EIF4E3: variants seen among roughly 807,000 people sequenced by gnomAD.
EIF4E3 encodes eukaryotic translation initiation factor 4E type 3.
In EIF4E3, 26 loss-of-function variants were observed where a neutral mutation model predicts 31.7. The observed-to-expected ratio is 0.82, with a 90% confidence interval of 0.60 to 1.14. The LOEUF is 1.14. Ranked by LOEUF, EIF4E3 falls within the 50% of genes most tolerant of loss-of-function variation. The probability of loss-of-function intolerance (pLI) is 0.00; values close to 1 mark genes in which losing one functional copy is unlikely to be tolerated. For synonymous variants in EIF4E3, 128 were observed against 107.7 expected, an observed-to-expected ratio of 1.19 and a Z score of -1.17; for missense variants, 304 against 270.9, an observed-to-expected ratio of 1.12 and a Z score of -0.86.
chr3:71,704,967 T>A (rs1402293660), intron 2 of EIF4E3, among the ~76,000 whole-genome samples: 1 of 152,234 alleles, frequency 6.6e-6, no homozygotes, highest in Non-Finnish European at 1.5e-5. Flanking sequence ...ATGCATATAA[T>A]GAATAAACTA....
intron 1 of EIF4E3, among the ~76,000 whole-genome samples, chr3:71,739,932 A>T (rs1222388320): frequency 6.6e-6 from 1 of 152,184 alleles, no homozygotes; most frequent in Non-Finnish European, 1.5e-5. Context: ...CTATGACAAT[A>T]ACAGCACAGA....
At chr3:71,699,800 T>C (rs2049189798) in intron 2 of EIF4E3, 92 bp from the exon 3 acceptor site, 5 of 995,694 alleles carry the variant, frequency 5.0e-6, no homozygotes, top group Non-Finnish European at 7.5e-6. Flanking sequence ...AAGAAAAATT[T>C]TGATTCTCAT....
intron 3 of EIF4E3, 113 bp downstream of exon 3, chr3:71,699,501 C>T (rs1363747400): frequency 4.5e-5 from 44 of 971,636 alleles, no homozygotes; most frequent in Non-Finnish European, 6.9e-5. Context: ...ATTGGTATCA[C>T]AGACTTTCTA....
chr3:71,703,683 T>A (rs1447903), intron 2 of EIF4E3, among the ~76,000 whole-genome samples: 3,425 of 152,158 alleles, frequency 0.023, 67 homozygotes, highest in Middle Eastern at 0.044. Flanking sequence ...CCTACTGAAA[T>A]GTTCTGAAGA....
chr3:71,748,632 G>T (rs1480308612), intron 1 of EIF4E3, among the ~76,000 whole-genome samples: 1 of 152,094 alleles, frequency 6.6e-6, no homozygotes, highest in African/African-American at 2.4e-5. Context: ...GCAGCCAAGA[G>T]TCACCAAACC....
intron 1 of EIF4E3, among the ~76,000 whole-genome samples, chr3:71,751,314 A>C (rs1220524430): frequency 6.6e-6 from 1 of 152,224 alleles, no homozygotes; most frequent in African/African-American, 2.4e-5. Context: ...AAGCGTGAAC[A>C]AATTAACCCT....
upstream of EIF4E3, chr3:71,754,271 C>T (rs762692004): frequency 1.1e-5 from 13 of 1,209,248 alleles, no homozygotes; most frequent in South Asian, 2.7e-4. The surrounding 1 kb of genome is among the most constrained non-coding windows in gnomAD (Gnocchi z 5.8). Flanking sequence ...GCCTCCCGGC[C>T]GTCATGCTGG....
intron 4 of EIF4E3, among the ~76,000 whole-genome samples, chr3:71,695,232 C>T (rs542523189): frequency 6.6e-6 from 1 of 152,278 alleles, no homozygotes; most frequent in South Asian, 2.1e-4. Context: ...CACCCTTCTG[C>T]TTTGAATTCA....
upstream of EIF4E3, chr3:71,725,436 G>A: frequency 1.2e-6 from 1 of 869,464 alleles, no homozygotes; most frequent in Non-Finnish European, 1.4e-6. The surrounding 1 kb of genome is among the most constrained non-coding windows in gnomAD (Gnocchi z 6.1). Context: ...AGTCACCCCC[G>A]GCCCCCGCCC....
the EIF4E3 span, among the ~76,000 whole-genome samples, chr3:71,668,939 T>C: frequency 2.0e-5 from 3 of 152,188 alleles, no homozygotes; most frequent in Non-Finnish European, 4.4e-5. Flanking sequence ...TAAAGACACA[T>C]GCACACATAT....
intron 6 of EIF4E3, among the ~76,000 whole-genome samples, chr3:71,687,089 C>T (rs1316268651): frequency 6.6e-6 from 1 of 152,180 alleles, no homozygotes; most frequent in Non-Finnish European, 1.5e-5. Flanking sequence ...CAACCTTCAC[C>T]TCCTGGGTTC....
rs1480553597 is a variant in EIF4E3 at position 71,725,296 on chromosome 3, A to G, written c.72T>C (p.Ala24=). The G allele has an allele frequency of 2.0e-6, 2 of 999,090 alleles. No individual in the cohort carries two copies. The highest frequency in any genetic ancestry group is 1.0e-4 in the East Asian group (1 of 9,870). The allele number at this position is 999,090 out of a possible 1,614,324, so 61.9% of individuals were successfully genotyped here. ...CGAGCGGCGGCTCGGGGGCGGCGGC[A>G]GCGGCGGCGGCGCGGGACCCCGGCG... ...REPPGSRAAA[A]AAAPEPPLGL... Residue 24 remains alanine, a synonymous_variant, in exon 1 of 7, where the codon GCT becomes GCC. Coordinates refer to ENST00000425534, the MANE Select transcript of EIF4E3 (RefSeq NM_001134651.2). This position sits in a 1 kb window ranked among gnomAD's most constrained non-coding sequence, Gnocchi z 6.1.
chr3:71,738,978 G>GTATATATATATAAATATA (rs2049792340), intron 1 of EIF4E3, among the ~76,000 whole-genome samples: 1 of 95,818 alleles, frequency 1.0e-5, no homozygotes, highest in Non-Finnish European at 2.0e-5. Flanking sequence ...AAATTGAACA[G>GTATATATATATAAATATA]TATATATATA....
intron 1 of EIF4E3, among the ~76,000 whole-genome samples, chr3:71,738,743 G>C (rs957714900): frequency 6.6e-6 from 1 of 151,854 alleles, no homozygotes; most frequent in Non-Finnish European, 1.5e-5. Context: ...GCAATGGATA[G>C]AACTGCTAGA....
At chr3:71,754,088 C>G (rs370681816), upstream of EIF4E3, 4 of 1,343,824 alleles carry the variant, frequency 3.0e-6, no homozygotes, top group Non-Finnish European at 3.9e-6. The surrounding 1 kb of genome is among the most constrained non-coding windows in gnomAD (Gnocchi z 5.8). Context: ...GCGGCGGCGG[C>G]GAGGCGGCCG....
chr3:71,695,005 C>A (rs887671267), intron 4 of EIF4E3, among the ~76,000 whole-genome samples: 2 of 152,184 alleles, frequency 1.3e-5, no homozygotes, highest in African/African-American at 4.8e-5. Flanking sequence ...TTAAAGCAGT[C>A]TCGCTGAATC....
chr3:71,747,791 A>T (rs973695798), intron 1 of EIF4E3, among the ~76,000 whole-genome samples: 3 of 152,194 alleles, frequency 2.0e-5, no homozygotes, highest in African/African-American at 7.2e-5. Context: ...TGAATTTTTT[A>T]AAATATATGG....
chr3:71,690,755 T>TC (rs1330255347), intron 5 of EIF4E3, among the ~76,000 whole-genome samples: 4 of 152,324 alleles, frequency 2.6e-5, no homozygotes, highest in Middle Eastern at 3.4e-3. Flanking sequence ...TCCTGATGCC[T>TC]CCCTCTAGAA....
chr3:71,749,883 G>C (rs949431077), intron 1 of EIF4E3, among the ~76,000 whole-genome samples: 2 of 152,112 alleles, frequency 1.3e-5, no homozygotes, highest in Non-Finnish European at 2.9e-5. Context: ...AACAGTAAAA[G>C]GAAAATACGT....
Sources: allele counts gnomAD v4.1 joint callset (sites outside exome capture counted in the v4.1 genomes callset), GRCh38; gene constraint gnomAD v4.1.1; non-coding constraint Gnocchi (gnomAD v3.1); transcripts MANE v1.5; gene names NCBI Gene and HGNC (gene_info 2026-07-23, HGNC 2026-07-21).